MTUS2: variants seen among roughly 807,000 people sequenced by gnomAD.
MTUS2 encodes the protein microtubule-associated tumor suppressor candidate 2.
A neutral mutation model predicts 114.1 loss-of-function variants in MTUS2; 40 were observed. That is an observed-to-expected ratio of 0.35 (90% confidence interval 0.27 to 0.46). The LOEUF (loss-of-function observed/expected upper bound fraction) is 0.46. Among genes scored for constraint, MTUS2 ranks in the 20% least tolerant of loss-of-function variants. MTUS2 has a pLI of 1.00. For missense variants in MTUS2, 1,679 were observed against 1,705.4 expected (o/e 0.98, Z 0.27); for synonymous variants, 688 against 672.0 (o/e 1.02, Z -0.37).
At chr13:28,873,744 G>T (rs528146602) in intron 2 of MTUS2, among the ~76,000 whole-genome samples, 1 of 152,294 alleles carries the variant, frequency 6.6e-6, no homozygotes, top group Non-Finnish European at 1.5e-5. Flanking sequence ...GACTGGTAAA[G>T]ATCTGGCAGA....
chr13:28,832,577 C>A (rs1307371525), intron 1 of MTUS2, among the ~76,000 whole-genome samples: 1 of 150,192 alleles, frequency 6.7e-6, no homozygotes, highest in Admixed American at 6.6e-5. Flanking sequence ...CCTAACTTTA[C>A]ACCTTAATAA....
At chr13:29,071,450 G>C (rs1593445169) in intron 4 of MTUS2, among the ~76,000 whole-genome samples, 1 of 63,514 alleles carries the variant, frequency 1.6e-5, no homozygotes, top group Non-Finnish European at 2.6e-5. Flanking sequence ...TTTTGAGACA[G>C]AGTCTCCCTC....
rs184297509 is a variant in MTUS2 at position 29,454,470 on chromosome 13, G to A, written c.3184+14421G>A. Among the ~76,000 whole-genome samples, 84 of 152,334 alleles carry A rather than the reference G, an allele frequency of 5.5e-4. 1 individual carries two copies. Among genetic ancestry groups the A allele is most frequent in the African/African-American group, 1.9e-3 (79 of 41,576 alleles). ...TTAACTAAGTTTACTGGAGCACGAT[G>A]TAGAAAATCAAATTGCCAATTTATT... On this transcript the variant is annotated intron_variant, in intron 9 of 15. Transcript: ENST00000612955.
At chr13:29,427,071 A>G (rs1876596621) in intron 8 of MTUS2, among the ~76,000 whole-genome samples, 1 of 152,210 alleles carries the variant, frequency 6.6e-6, no homozygotes, top group Admixed American at 6.5e-5. Flanking sequence ...GTGAGCAGGA[A>G]GGAGCTCTGG....
At chr13:28,927,801 A>G (rs1881401903) in intron 2 of MTUS2, among the ~76,000 whole-genome samples, 1 of 152,230 alleles carries the variant, frequency 6.6e-6, no homozygotes, top group Admixed American at 6.5e-5. Context: ...AAGACTCTCA[A>G]TAGCCAAAGC....
At chr13:29,436,648 T>G (rs573263754) in intron 8 of MTUS2, among the ~76,000 whole-genome samples, 14 of 152,272 alleles carry the variant, frequency 9.2e-5, no homozygotes, top group Middle Eastern at 6.8e-3. Context: ...TTTTAGAGCC[T>G]GAACTTGCAA....
At chr13:29,092,925 A>G (rs546596229) in intron 4 of MTUS2, among the ~76,000 whole-genome samples, 1 of 152,260 alleles carries the variant, frequency 6.6e-6, no homozygotes, top group African/African-American at 2.4e-5. Flanking sequence ...CAGGATTTTT[A>G]TTATCATTAT....
chr13:29,169,755 C>G (rs1041900341), intron 5 of MTUS2, among the ~76,000 whole-genome samples: 2 of 152,156 alleles, frequency 1.3e-5, no homozygotes, highest in Admixed American at 1.3e-4. Context: ...CCAGCCAGTT[C>G]TCATGTGTGA....
chr13:28,874,371 C>T (rs1365890908), intron 2 of MTUS2, among the ~76,000 whole-genome samples: 2 of 152,156 alleles, frequency 1.3e-5, no homozygotes, highest in African/African-American at 4.8e-5. Flanking sequence ...ATAAATCCTA[C>T]AAAAACTTAA....
At chr13:29,052,991 A>G (rs1446324699) in intron 4 of MTUS2, among the ~76,000 whole-genome samples, 2 of 152,144 alleles carry the variant, frequency 1.3e-5, no homozygotes, top group Non-Finnish European at 1.5e-5. Flanking sequence ...CTCTGTGAAG[A>G]GGTACCTTCC....
At chr13:29,147,409 A>G (rs1393805112) in intron 5 of MTUS2, among the ~76,000 whole-genome samples, 3 of 152,194 alleles carry the variant, frequency 2.0e-5, no homozygotes, top group African/African-American at 4.8e-5. Flanking sequence ...TGTATGTGCA[A>G]TGCTAAAATT....
At chr13:29,389,419 G>GCGTA (rs1872983256) in intron 8 of MTUS2, among the ~76,000 whole-genome samples, 7 of 106,912 alleles carry the variant, frequency 6.5e-5, no homozygotes, top group African/African-American at 3.2e-4. Flanking sequence ...ACGTGTGTGT[G>GCGTA]TATGTATACA....
chr13:29,375,980 AC>A (rs1871693872), intron 8 of MTUS2, among the ~76,000 whole-genome samples: 1 of 150,902 alleles, frequency 6.6e-6, no homozygotes, highest in Non-Finnish European at 1.5e-5. Flanking sequence ...CTAATACCCC[AC>A]AAGCTATTTA....
intron 4 of MTUS2, among the ~76,000 whole-genome samples, chr13:29,047,790 G>T (rs577117609): frequency 6.6e-6 from 1 of 152,056 alleles, no homozygotes; most frequent in African/African-American, 2.4e-5. Context: ...GATTACAGGC[G>T]TGAGCCACCA....
At chr13:28,999,912 G>A (rs1345277891) in intron 2 of MTUS2, among the ~76,000 whole-genome samples, 2 of 152,128 alleles carry the variant, frequency 1.3e-5, no homozygotes. Context: ...TTAACATAAT[G>A]TCCTCCAGGT....
intron 5 of MTUS2, among the ~76,000 whole-genome samples, chr13:29,121,436 TACACACACAC>T (rs34032510): frequency 2.1e-4 from 32 of 150,218 alleles, no homozygotes; most frequent in Non-Finnish European, 3.8e-4. Context: ...TGTAATGAAA[TACACACACAC>T]ACACACACAC....
intron 5 of MTUS2, among the ~76,000 whole-genome samples, chr13:29,121,506 T>C (rs1891306655): frequency 1.3e-5 from 2 of 151,940 alleles, no homozygotes; most frequent in Non-Finnish European, 2.9e-5. Context: ...TGTAGATAGA[T>C]ATGGGGAATT....
intron 8 of MTUS2, among the ~76,000 whole-genome samples, chr13:29,427,237 A>G (rs1175132485): frequency 1.3e-5 from 2 of 152,206 alleles, no homozygotes; most frequent in Admixed American, 1.3e-4. Context: ...CTGCTATTCC[A>G]TGAATGTGTG....
chr13:28,857,992 C>T (rs377092553), intron 2 of MTUS2, among the ~76,000 whole-genome samples: 8 of 152,272 alleles, frequency 5.3e-5, no homozygotes, highest in South Asian at 4.1e-4. Context: ...CACAAGTGTA[C>T]GATTGCAACA....
Sources: gnomAD v4.1 joint callset for allele counts (sites outside exome capture counted in the v4.1 genomes callset) on GRCh38, gnomAD v4.1.1 for gene constraint, MANE v1.5 for transcripts, NCBI Gene and HGNC (gene_info 2026-07-23, HGNC 2026-07-21) for gene names.